GRK3: variants seen among roughly 807,000 people sequenced by gnomAD.
GRK3 encodes the protein G protein-coupled receptor kinase 3.
Under a neutral mutation model 95.7 loss-of-function variants are expected in GRK3, and 54 were observed. The observed-to-expected ratio is 0.56, with a 90% CI of 0.45 to 0.71. The LOEUF is 0.71. Among genes scored for constraint, GRK3 ranks in the 30% least tolerant of loss-of-function variants. The probability of loss-of-function intolerance (pLI) is 0.00; values close to 1 mark genes in which losing one functional copy is unlikely to be tolerated. For missense variants in GRK3, 649 were observed against 851.2 expected (o/e 0.76, Z 2.96); for synonymous variants, 281 against 290.8 (o/e 0.97, Z 0.34).
chr22:25,640,126 T>C (rs1221251043), intron 2 of GRK3, among the ~76,000 whole-genome samples: 1 of 152,186 alleles, frequency 6.6e-6, no homozygotes, highest in Non-Finnish European at 1.5e-5. Context: ...CCTTTTCAAT[T>C]TGAATAACTG....
intron 12 of GRK3, 126 bp from the exon 13 acceptor site, chr22:25,694,981 C>A (rs2085195452): frequency 4.9e-6 from 3 of 618,300 alleles, no homozygotes; most frequent in Non-Finnish European, 8.7e-6. Flanking sequence ...CGGTGAAGCA[C>A]AACTGTCCCC....
rs1260235425 is a variant in GRK3, at chr22:25,723,581, C to T, written c.*1131C>T. Reference sequence around the variant, plus strand: ...TTTCCTGGTCCCAGCAGCATCTGCCCTGTGAAGTTTGTTTTCTCCCACTGC... The same window carrying T: ...TTTCCTGGTCCCAGCAGCATCTGCCTTGTGAAGTTTGTTTTCTCCCACTGC... On this transcript the variant is annotated 3_prime_UTR_variant, in exon 21 of 21. Transcript: ENST00000324198. The T allele has an allele frequency of 1.3e-5, 2 of 152,140 alleles. No homozygotes were observed. Among genetic ancestry groups the T allele is most frequent in the African/African-American group, 4.8e-5 (2 of 41,422 alleles). 9.4% of individuals were successfully genotyped at this position (152,140 alleles called of 1,614,324 possible).
chr22:25,688,031 TC>T (rs1213132714), intron 11 of GRK3, among the ~76,000 whole-genome samples: 2 of 152,110 alleles, frequency 1.3e-5, no homozygotes, highest in Non-Finnish European at 2.9e-5. Flanking sequence ...GGTCAGGAGA[TC>T]AAGGCCATCC....
At chr22:25,620,340 G>A (rs1180720304) in intron 2 of GRK3, among the ~76,000 whole-genome samples, 1 of 152,086 alleles carries the variant, frequency 6.6e-6, no homozygotes, top group Non-Finnish European at 1.5e-5. Flanking sequence ...ATGATGTTCT[G>A]CACACGTGGG....
rs565264700 is a variant in GRK3 at position 25,647,841 on chromosome 22, T to C, written c.264+3176T>C. 138 of 755,962 alleles carry C rather than the reference T, an allele frequency of 1.8e-4. No homozygotes were observed. The African/African-American group carries it at 2.0e-3, about 11-fold the overall frequency. 46.8% of individuals were successfully genotyped at this position (755,962 alleles called of 1,614,324 possible). On this transcript the variant is annotated intron_variant, in intron 3 of 20. Transcript: ENST00000324198. ...GAGAGAGTGAAATGGCTGGGTGCAG[T>C]GGCTCATGCCTGTAATCCCAGCACT...
intron 5 of GRK3, among the ~76,000 whole-genome samples, chr22:25,666,023 C>T (rs2084939477): frequency 6.6e-6 from 1 of 152,170 alleles, no homozygotes; most frequent in African/African-American, 2.4e-5. Context: ...TTAGATACGA[C>T]TGTTCTCTTT....
At chr22:25,575,196 G>GT (rs1412780166) in intron 1 of GRK3, among the ~76,000 whole-genome samples, 2 of 152,160 alleles carry the variant, frequency 1.3e-5, no homozygotes, top group African/African-American at 4.8e-5. Context: ...ATGCTGGATT[G>GT]ATGTTTCAAA....
chr22:25,687,615 T>C lies in GRK3; in HGVS notation c.905T>C (p.Ile302Thr). The C allele has an allele frequency of 6.2e-7, 1 of 1,614,156 alleles. No homozygotes were observed. The highest frequency in any genetic ancestry group is 8.5e-7 in the Non-Finnish European group (1 of 1,180,006). ...KEMRFYATEI[I>T]LGLEHMHNRF... ...ATGCGGTTTTATGCCACTGAAATCA[T>C]TCTGGGTCTGGAACACATGCACAAT... The change falls in exon 11 of 21, where the codon ATT becomes ACT. Residue 302 changes from isoleucine to threonine, a missense_variant. Ile to Thr is a moderately conservative substitution (Grantham distance 89). This residue lies in a region of GRK3 where 382 missense variants were observed against 493.8 expected (regional missense o/e 0.77). Transcript: ENST00000324198.
At chr22:25,714,114 G>A (rs964306220) in intron 17 of GRK3, among the ~76,000 whole-genome samples, 1 of 152,104 alleles carries the variant, frequency 6.6e-6, no homozygotes, top group South Asian at 2.1e-4. Context: ...CTGTATATGT[G>A]AGTTTTCGTT....
intron 15 of GRK3, among the ~76,000 whole-genome samples, chr22:25,704,981 C>G (rs767520218): frequency 4.9e-4 from 74 of 152,080 alleles, no homozygotes; most frequent in Admixed American, 1.2e-3. Flanking sequence ...ATCTCTTCTC[C>G]CCCAGGCTTG....
chr22:25,668,426 TATCTC>T (rs770841706), intron 6 of GRK3, among the ~76,000 whole-genome samples: 2 of 152,228 alleles, frequency 1.3e-5, no homozygotes, highest in Non-Finnish European at 2.9e-5. Context: ...GTGATGATAA[TATCTC>T]ATGCTAGAGC....
chr22:25,690,531 C>G (rs1395603027), intron 12 of GRK3, among the ~76,000 whole-genome samples: 1 of 152,090 alleles, frequency 6.6e-6, no homozygotes, highest in Non-Finnish European at 1.5e-5. Context: ...ACAGTCAGGA[C>G]CTCAGCAAAA....
In GRK3 at chr22:25,587,721, T is replaced by A. The variant is rs188486597; in HGVS notation, c.114-16656T>A. On this transcript the variant is annotated intron_variant, in intron 1 of 20. Coordinates refer to ENST00000324198, the MANE Select transcript of GRK3 (RefSeq NM_005160.4). ...AGGGACCTGGTGGGAAATAATTGAA[T>A]CACGGGGCAGTTTCTCCCACACTGT... 1.5e-3 allele frequency among the ~76,000 whole-genome samples: 221 copies of A among 152,322 alleles called. 1 individual carries two copies. Among genetic ancestry groups the A allele is most frequent in the Non-Finnish European group, 2.4e-3 (166 of 68,034 alleles).
chr22:25,623,325 C>T (rs1204013471), intron 2 of GRK3, among the ~76,000 whole-genome samples: 3 of 152,220 alleles, frequency 2.0e-5, no homozygotes, highest in Admixed American at 6.5e-5. Context: ...CAGAGTGATG[C>T]GGCTACGATG....
At position 25,729,179 on chromosome 22, in the gene GRK3, T is replaced by TG. The variant is rs1170562407; in HGVS notation, c.*6733dup. The TG allele has an allele frequency of 2.6e-5, 4 of 152,246 alleles. No homozygotes were observed. The highest frequency in any genetic ancestry group is 6.5e-5 in the Admixed American group (1 of 15,278). 9.4% of individuals were successfully genotyped at this position (152,246 alleles called of 1,614,324 possible). On this transcript the variant is annotated 3_prime_UTR_variant, in exon 21 of 21. Transcript: ENST00000324198. ...CACGTCTGAGGTCACCTGCCCTGTG[T>TG]GGGGCACACCACCGTCAGCACCACC...
chr22:25,720,467 CTTTTTT>C (rs963248407), intron 19 of GRK3, among the ~76,000 whole-genome samples: 9 of 102,570 alleles, frequency 8.8e-5, no homozygotes, highest in South Asian at 3.1e-4. Context: ...ATACTATAGA[CTTTTTT>C]TTTTTTTTTT....
chr22:25,656,380 A>G (rs944026644), intron 3 of GRK3, among the ~76,000 whole-genome samples: 3 of 152,260 alleles, frequency 2.0e-5, no homozygotes, highest in Admixed American at 2.0e-4. Flanking sequence ...GCAGTGGTGC[A>G]ATCATGGCTC....
rs567943843 is a variant in GRK3, at chr22:25,664,607, G to A, written c.441+903G>A. The stretch of plus-strand genomic sequence containing the variant: ...GCTATCTCTGCTCATTGCAACCTCC[G>A]CCTCCCAGGTTCACGCCATTCTCCT... On this transcript the variant is annotated intron_variant, in intron 5 of 20. Transcript: ENST00000324198. Among the ~76,000 whole-genome samples, 143 of 142,718 alleles carry A rather than the reference G, an allele frequency of 1.0e-3. 1 individual carries two copies. Among genetic ancestry groups the A allele is most frequent in the Non-Finnish European group, 1.3e-3 (85 of 66,802 alleles). 93.6% of individuals were successfully genotyped at this position (142,718 alleles called of 152,430 possible).
intron 2 of GRK3, among the ~76,000 whole-genome samples, chr22:25,633,971 G>A (rs916947201): frequency 3.9e-5 from 6 of 152,016 alleles, no homozygotes; most frequent in African/African-American, 1.4e-4. Context: ...CTGTCTAGGT[G>A]TTTGTCCCTA....
Sources: allele counts gnomAD v4.1 joint callset (sites outside exome capture counted in the v4.1 genomes callset), GRCh38; gene constraint gnomAD v4.1.1; regional missense constraint gnomAD v4.1.1; transcripts MANE v1.5; gene names NCBI Gene and HGNC (gene_info 2026-07-23, HGNC 2026-07-21).